The following EXOC6B variants were observed in gnomAD, a reference collection of about 807,000 sequenced individuals.
EXOC6B encodes the protein exocyst complex component 6B.
A neutral mutation model predicts 113.5 loss-of-function variants in EXOC6B; 54 were observed. The ratio of observed to expected loss-of-function variants is 0.48; its 90% CI spans 0.38 to 0.60. EXOC6B has a LOEUF of 0.60. Among genes scored for constraint, EXOC6B ranks in the 20% least tolerant of loss-of-function variants. The probability of loss-of-function intolerance (pLI) is 0.00; values close to 1 mark genes in which losing one functional copy is unlikely to be tolerated. For missense variants in EXOC6B, 797 were observed against 977.5 expected, an observed-to-expected ratio of 0.82 and a Z score of 2.46; for synonymous variants, 357 against 339.0, an observed-to-expected ratio of 1.05 and a Z score of -0.58.
intron 1 of EXOC6B, among the ~76,000 whole-genome samples, chr2:72,801,399 A>G (rs1685264329): frequency 6.6e-6 from 1 of 152,220 alleles, no homozygotes; most frequent in African/African-American, 2.4e-5. Flanking sequence ...AACAAAATGA[A>G]AAAATACATC....
intron 20 of EXOC6B, among the ~76,000 whole-genome samples, chr2:72,207,606 T>C (rs1243556602): frequency 6.6e-6 from 1 of 152,222 alleles, no homozygotes; most frequent in Non-Finnish European, 1.5e-5. Flanking sequence ...AGCAGAATTC[T>C]AGGTCAAAGC....
chr2:72,345,085 C>T (rs7594350), intron 19 of EXOC6B, among the ~76,000 whole-genome samples: 54,939 of 151,830 alleles, frequency 0.36, 16,174 homozygotes, highest in African/African-American at 0.82. Context: ...TGCCATGGGA[C>T]TGGGGTTGAG....
intron 20 of EXOC6B, among the ~76,000 whole-genome samples, chr2:72,300,547 C>T (rs1192999229): frequency 1.3e-5 from 2 of 152,172 alleles, no homozygotes; most frequent in Non-Finnish European, 2.9e-5. Flanking sequence ...GTCTCGCTAG[C>T]GTTCCAGGTG....
At chr2:72,583,073 G>A (rs973609979) in intron 6 of EXOC6B, among the ~76,000 whole-genome samples, 1 of 152,086 alleles carries the variant, frequency 6.6e-6, no homozygotes, top group African/African-American at 2.4e-5. Flanking sequence ...GAAGGTTTTA[G>A]CAACAGGCTG....
chr2:72,535,262 A>G (rs1004410969), intron 8 of EXOC6B, among the ~76,000 whole-genome samples: 3 of 152,240 alleles, frequency 2.0e-5, no homozygotes, highest in African/African-American at 7.2e-5. Context: ...CAGGTACAGA[A>G]TAAAATGTAC....
In EXOC6B at chr2:72,721,288, C is replaced by T. The variant is rs372940554; in HGVS notation, c.465-2981G>A. On this transcript the variant is annotated intron_variant, in intron 5 of 21. Coordinates refer to ENST00000272427, the MANE Select transcript of EXOC6B (RefSeq NM_015189.3). ...AGGGTGCAGTGAGCTGAGATCACAC[C>T]ACTGCACTCCAGCCTGGGTGATAGA... Among the ~76,000 whole-genome samples the T allele has an allele frequency of 4.8e-5, 7 of 146,560 alleles. No homozygotes were observed. The South Asian group carries it at 1.5e-3, about 31-fold the overall frequency.
chr2:72,725,574 T>C (rs757516283), intron 5 of EXOC6B, among the ~76,000 whole-genome samples: 1 of 152,052 alleles, frequency 6.6e-6, no homozygotes, highest in Non-Finnish European at 1.5e-5. Flanking sequence ...GTATCTTTAG[T>C]AGGGATGGGG....
chr2:72,749,043 T>C (rs1363678182), intron 1 of EXOC6B, among the ~76,000 whole-genome samples: 1 of 152,156 alleles, frequency 6.6e-6, no homozygotes, highest in Non-Finnish European at 1.5e-5. Flanking sequence ...GTGGCTTCAC[T>C]TTGTCCTTTG....
At chr2:72,822,842 C>T (rs1192121781) in intron 1 of EXOC6B, among the ~76,000 whole-genome samples, 13 of 152,144 alleles carry the variant, frequency 8.5e-5, no homozygotes, top group Non-Finnish European at 1.5e-4. Flanking sequence ...AAGAAAAGTT[C>T]GAGGTTTACA....
At chr2:72,545,961 T>C (rs1249498647) in intron 8 of EXOC6B, among the ~76,000 whole-genome samples, 3 of 152,200 alleles carry the variant, frequency 2.0e-5, no homozygotes, top group Non-Finnish European at 2.9e-5. Flanking sequence ...CTGTTCCTTT[T>C]TCCACTCTCC....
chr2:72,313,656 T>C (rs10167245), intron 20 of EXOC6B, among the ~76,000 whole-genome samples: 3,674 of 152,260 alleles, frequency 0.024, 165 homozygotes, highest in African/African-American at 0.083. Flanking sequence ...TTAAAAACTC[T>C]ATTACCTCAC....
chr2:72,255,675 A>G (rs1683311313), intron 20 of EXOC6B, among the ~76,000 whole-genome samples: 1 of 152,180 alleles, frequency 6.6e-6, no homozygotes, highest in Non-Finnish European at 1.5e-5. Context: ...CCACAGGTAG[A>G]GAAGAATTTT....
chr2:72,616,307 C>T (rs1262489098), intron 6 of EXOC6B, among the ~76,000 whole-genome samples: 1 of 151,876 alleles, frequency 6.6e-6, no homozygotes, highest in Non-Finnish European at 1.5e-5. Context: ...AAAAAAAAGA[C>T]CTTAATAGTC....
At chr2:72,493,327 C>T (rs1008865587) in intron 15 of EXOC6B, among the ~76,000 whole-genome samples, 7 of 143,960 alleles carry the variant, frequency 4.9e-5, no homozygotes, top group Non-Finnish European at 7.5e-5. Flanking sequence ...TCTCCCCCCC[C>T]CCCCCCCGCA....
intron 1 of EXOC6B, among the ~76,000 whole-genome samples, chr2:72,752,531 T>C (rs1682122042): frequency 6.6e-6 from 1 of 150,486 alleles, no homozygotes. Flanking sequence ...ATCCTTTCCC[T>C]TCCCTTTCTC....
intron 6 of EXOC6B, among the ~76,000 whole-genome samples, chr2:72,686,643 C>T (rs1374833901): frequency 6.6e-6 from 1 of 152,074 alleles, no homozygotes; most frequent in Non-Finnish European, 1.5e-5. Context: ...TAAAGTTAAT[C>T]AAACTTTCTA....
chr2:72,522,418 TTC>T (rs1180543327), intron 8 of EXOC6B, among the ~76,000 whole-genome samples: 3 of 152,244 alleles, frequency 2.0e-5, no homozygotes, highest in African/African-American at 7.2e-5. Flanking sequence ...TGGAAATAGT[TTC>T]TTTTTTTTTA....
At chr2:72,552,638 CAAA>C (rs1703306064) in intron 8 of EXOC6B, among the ~76,000 whole-genome samples, 1 of 151,746 alleles carries the variant, frequency 6.6e-6, no homozygotes, top group South Asian at 2.1e-4. Flanking sequence ...AAAGCAACAA[CAAA>C]AAGGAGTTAA....
At chr2:72,730,420 A>G (rs1680561566) in intron 5 of EXOC6B, among the ~76,000 whole-genome samples, 1 of 152,204 alleles carries the variant, frequency 6.6e-6, no homozygotes, top group Non-Finnish European at 1.5e-5. Flanking sequence ...GGAATTCTAC[A>G]GAAGAGTCCC....
Sources: allele counts gnomAD v4.1 joint callset (sites outside exome capture counted in the v4.1 genomes callset), GRCh38; gene constraint gnomAD v4.1.1; transcripts MANE v1.5; gene names NCBI Gene and HGNC (gene_info 2026-07-23, HGNC 2026-07-21).